CMTR1: variants seen among roughly 807,000 people sequenced by gnomAD.
The protein encoded by CMTR1 is cap methyltransferase 1.
Under a neutral mutation model 107.0 loss-of-function variants are expected in CMTR1, and 39 were observed. That is an observed-to-expected ratio of 0.36 (90% confidence interval 0.28 to 0.48). The LOEUF is 0.48. Ranked by LOEUF, CMTR1 falls within the 20% of genes least tolerant of loss-of-function variation. The probability of loss-of-function intolerance (pLI) is 0.99; values close to 1 mark genes in which losing one functional copy is unlikely to be tolerated. For missense variants in CMTR1, 672 were observed against 1,064.9 expected, an observed-to-expected ratio of 0.63 and a Z score of 5.14; for synonymous variants, 366 against 379.5, an observed-to-expected ratio of 0.96 and a Z score of 0.41.
chr6:37,450,380 A>G (rs765952410), intron 5 of CMTR1, 37 bp downstream of exon 5: 6 of 1,515,440 alleles, frequency 4.0e-6, no homozygotes, highest in Non-Finnish European at 5.5e-6. Context: ...ACTTCTTGGC[A>G]TTCTCTTGAC....
chr6:37,458,322 T>C lies in CMTR1; in HGVS notation c.778-290T>C, dbSNP rs1761338114. Among the ~76,000 whole-genome samples, 1 of 152,196 alleles carries C rather than the reference T, an allele frequency of 6.6e-6. No individual in the cohort carries two copies. The highest frequency in any genetic ancestry group is 2.1e-4 in the South Asian group (1 of 4,830). The stretch of plus-strand genomic sequence containing the variant: ...CTGCCTCTCTGGCCTCCCAAAGTGC[T>C]GGGATTACAGGCTTGAGCCACCGCG... On this transcript the variant is annotated intron_variant, in intron 8 of 23. Coordinates refer to ENST00000373451, the MANE Select transcript of CMTR1 (RefSeq NM_015050.3). This position sits in a 1 kb window ranked among gnomAD's most constrained non-coding sequence, Gnocchi z 4.7.
At chr6:37,424,676 G>GT in the CMTR1 span, among the ~76,000 whole-genome samples, 18 of 151,510 alleles carry the variant, frequency 1.2e-4, no homozygotes, top group Middle Eastern at 3.4e-3. Flanking sequence ...GCTAATAATT[G>GT]TTTTTTTTAA....
chr6:37,425,738 T>A, the CMTR1 span, among the ~76,000 whole-genome samples: 1 of 152,234 alleles, frequency 6.6e-6, no homozygotes, highest in Non-Finnish European at 1.5e-5. Context: ...TTTCTAAAGT[T>A]GATTGTAATG....
At chr6:37,462,541 T>C (rs1377922638) in intron 12 of CMTR1, among the ~76,000 whole-genome samples, 3 of 152,162 alleles carry the variant, frequency 2.0e-5, no homozygotes, top group Non-Finnish European at 4.4e-5. Context: ...CTGGGAGAGT[T>C]TGATTCATTA....
chr6:37,461,243 C>G (rs1337640378), intron 10 of CMTR1, among the ~76,000 whole-genome samples: 1 of 152,208 alleles, frequency 6.6e-6, no homozygotes, highest in Non-Finnish European at 1.5e-5. Context: ...TTACTCTTCT[C>G]TGGATTCCCA....
rs534649468 is a variant in CMTR1, at chr6:37,441,901, T to C, written c.134-2098T>C. On this transcript the variant is annotated intron_variant, in intron 2 of 23. Transcript: ENST00000373451. ...GATTGGTTCATGTAAGCAAGTCAAC[T>C]CGATTAAGAGAATTGGACAGCCACC... is the stretch of plus-strand genomic sequence containing the variant. Among the ~76,000 whole-genome samples the C allele has an allele frequency of 5.9e-5, 9 of 152,292 alleles. No individual in the cohort carries two copies. In the East Asian group the frequency reaches 1.3e-3, roughly 23 times the overall value.
chr6:37,428,044 GAGAGAGAGAGAGA>G, the CMTR1 span, among the ~76,000 whole-genome samples: 2 of 145,930 alleles, frequency 1.4e-5, no homozygotes, highest in African/African-American at 2.6e-5. Flanking sequence ...GAGAGAGAGA[GAGAGAGAGAGAGA>G]GAGAAACTCT....
At chr6:37,452,249 ACTCT>A (rs889986586) in intron 6 of CMTR1, among the ~76,000 whole-genome samples, 14 of 152,004 alleles carry the variant, frequency 9.2e-5, no homozygotes, top group African/African-American at 3.4e-4. Flanking sequence ...CGGTGGTTTT[ACTCT>A]CTCTGAGTTT....
chr6:37,453,647 A>G (rs200516746), intron 8 of CMTR1, among the ~76,000 whole-genome samples: 125 of 56,398 alleles, frequency 2.2e-3, no homozygotes, highest in African/African-American at 0.011. Context: ...TGAGAGGGGA[A>G]TATGGTTTGA....
At chr6:37,439,142 G>A (rs1771610001) in intron 2 of CMTR1, among the ~76,000 whole-genome samples, 1 of 152,202 alleles carries the variant, frequency 6.6e-6, no homozygotes, top group Non-Finnish European at 1.5e-5. Context: ...CCAGGTCAAA[G>A]ACTGACATCT....
chr6:37,424,499 G>A, the CMTR1 span, among the ~76,000 whole-genome samples: 1 of 151,520 alleles, frequency 6.6e-6, no homozygotes, highest in African/African-American at 2.4e-5. Context: ...CGCCCACCTC[G>A]GCCTCCCAAA....
At chr6:37,441,656 C>T (rs188866933) in intron 2 of CMTR1, among the ~76,000 whole-genome samples, 2,357 of 152,236 alleles carry the variant, frequency 0.015, 57 homozygotes, top group African/African-American at 0.053. Context: ...TCAGGTGATC[C>T]GCCCGCCTCG....
At chr6:37,455,369 G>A (rs748300116) in intron 8 of CMTR1, among the ~76,000 whole-genome samples, 4 of 152,190 alleles carry the variant, frequency 2.6e-5, no homozygotes, top group African/African-American at 9.7e-5. Context: ...GTGAGCTACC[G>A]CGCCCAGCCA....
chr6:37,438,419 G>T (rs2113863107), intron 2 of CMTR1, among the ~76,000 whole-genome samples: 1 of 152,244 alleles, frequency 6.6e-6, no homozygotes, highest in East Asian at 1.9e-4. Context: ...GAGGTGTCCA[G>T]TTCCTTGTAT....
intron 13 of CMTR1, 81 bp from the exon 14 acceptor site, chr6:37,470,940 C>A: frequency 8.4e-7 from 1 of 1,187,980 alleles, no homozygotes; most frequent in Non-Finnish European, 1.2e-6. Context: ...GGCCACTGCT[C>A]CCGTTTAACC....
intron 13 of CMTR1, among the ~76,000 whole-genome samples, chr6:37,466,991 G>A (rs539443846): frequency 4.6e-5 from 7 of 152,128 alleles, no homozygotes; most frequent in African/African-American, 7.2e-5. Context: ...GCAACATGGT[G>A]AAGCCCTGTC....
intron 23 of CMTR1, among the ~76,000 whole-genome samples, chr6:37,479,744 GTA>G (rs1467747407): frequency 6.6e-6 from 1 of 152,224 alleles, no homozygotes; most frequent in Non-Finnish European, 1.5e-5. Flanking sequence ...TACTAATACT[GTA>G]TATTAGAGAA....
chr6:37,479,054 A>C, intron 22 of CMTR1, 93 bp from the exon 23 acceptor site: 1 of 839,604 alleles, frequency 1.2e-6, no homozygotes, highest in Non-Finnish European at 2.0e-6. Flanking sequence ...GGGAGGCAGG[A>C]ATAGGACCAC....
upstream of CMTR1, among the ~76,000 whole-genome samples, chr6:37,428,292 C>T (rs891189466): frequency 2.6e-5 from 4 of 152,110 alleles, no homozygotes; most frequent in Non-Finnish European, 5.9e-5. Flanking sequence ...GGCAGATGGT[C>T]CTTGCAGAAG....
Sources: allele counts gnomAD v4.1 joint callset (sites outside exome capture counted in the v4.1 genomes callset), GRCh38; gene constraint gnomAD v4.1.1; non-coding constraint Gnocchi (gnomAD v3.1); transcripts MANE v1.5; gene names NCBI Gene and HGNC (gene_info 2026-07-23, HGNC 2026-07-21).